The following COL19A1 variants were observed in gnomAD, a reference collection of about 807,000 sequenced individuals.
The protein encoded by COL19A1 is collagen alpha-1(XIX) chain.
A neutral mutation model predicts 190.2 loss-of-function variants in COL19A1; 159 were observed. The observed-to-expected ratio is 0.84, with a 90% CI of 0.73 to 0.95. COL19A1 has a LOEUF of 0.95. COL19A1 is among the 40% of genes least tolerant of loss of function. The pLI is 0.00. For synonymous variants in COL19A1, 509 were observed against 458.9 expected, an observed-to-expected ratio of 1.11 and a Z score of -1.39; for missense variants, 1,418 against 1,431.9, an observed-to-expected ratio of 0.99 and a Z score of 0.16.
At chr6:69,939,737 C>G (rs1773336363) in intron 9 of COL19A1, among the ~76,000 whole-genome samples, 1 of 152,064 alleles carries the variant, frequency 6.6e-6, no homozygotes, top group East Asian at 1.9e-4. Flanking sequence ...ATTAAGAGGA[C>G]TCAGAAAGTG....
chr6:69,979,320 A>G (rs1434096622), intron 11 of COL19A1, among the ~76,000 whole-genome samples: 1 of 151,972 alleles, frequency 6.6e-6, no homozygotes, highest in African/African-American at 2.4e-5. Context: ...CAGCAAAAGA[A>G]AAATCAAGTA....
chr6:70,072,007 G>A (rs761630292), intron 15 of COL19A1, among the ~76,000 whole-genome samples: 1 of 152,084 alleles, frequency 6.6e-6, no homozygotes, highest in Non-Finnish European at 1.5e-5. Context: ...AAGGAAATTA[G>A]GGCATGAGTT....
chr6:70,161,035 C>A (rs1173661799), intron 34 of COL19A1, among the ~76,000 whole-genome samples: 1 of 152,108 alleles, frequency 6.6e-6, no homozygotes, highest in Non-Finnish European at 1.5e-5. Flanking sequence ...CTTACCATTT[C>A]TTCCTTGATA....
intron 4 of COL19A1, among the ~76,000 whole-genome samples, chr6:69,907,504 C>A (rs983397451): frequency 6.6e-5 from 10 of 152,132 alleles, no homozygotes; most frequent in Non-Finnish European, 1.3e-4. Flanking sequence ...TATTTTCATA[C>A]AATTGACTTT....
chr6:69,977,070 C>T (rs769440934), intron 11 of COL19A1, among the ~76,000 whole-genome samples: 20 of 152,152 alleles, frequency 1.3e-4, no homozygotes, highest in Non-Finnish European at 2.8e-4. Context: ...TGGGTATATA[C>T]TCAAAGGATT....
At chr6:70,065,599 T>C (rs886954490) in intron 14 of COL19A1, among the ~76,000 whole-genome samples, 1 of 152,084 alleles carries the variant, frequency 6.6e-6, no homozygotes, top group Admixed American at 6.6e-5. Context: ...AAAGCCAAAA[T>C]TGACAAATGG....
intron 16 of COL19A1, among the ~76,000 whole-genome samples, chr6:70,117,745 G>A (rs972341518): frequency 6.6e-6 from 1 of 152,160 alleles, no homozygotes; most frequent in African/African-American, 2.4e-5. Context: ...TAATCCAGAT[G>A]TCCTATATCT....
chr6:70,070,073 C>A (rs1489156194), intron 15 of COL19A1, among the ~76,000 whole-genome samples: 3 of 152,060 alleles, frequency 2.0e-5, no homozygotes, highest in African/African-American at 7.2e-5. Flanking sequence ...AAATCATGTA[C>A]AAATGTATTT....
At chr6:69,931,318 A>G (rs1265964497) in intron 6 of COL19A1, among the ~76,000 whole-genome samples, 1 of 152,148 alleles carries the variant, frequency 6.6e-6, no homozygotes, top group African/African-American at 2.4e-5. Flanking sequence ...CTAAAGCACT[A>G]TATCAGTGAA....
chr6:69,889,538 ACTAATCTGCGCTCTATGTCTAG>A (rs1362473280), intron 2 of COL19A1, among the ~76,000 whole-genome samples: 3 of 152,174 alleles, frequency 2.0e-5, no homozygotes, highest in African/African-American at 7.2e-5. Flanking sequence ...GTAAAAATGC[ACTAATCTGCGCTCTATGTCTAG>A]CTAAAGGATT....
chr6:69,931,347 T>C (rs1772747925), intron 6 of COL19A1, among the ~76,000 whole-genome samples: 1 of 152,198 alleles, frequency 6.6e-6, no homozygotes, highest in African/African-American at 2.4e-5. Context: ...AAGTAATGAA[T>C]GAATAAACAA....
chr6:70,057,859 G>A (rs1030470521), intron 14 of COL19A1, among the ~76,000 whole-genome samples: 5 of 152,018 alleles, frequency 3.3e-5, no homozygotes, highest in African/African-American at 9.7e-5. Flanking sequence ...GAAGTACCAA[G>A]AGAAATGCAA....
chr6:69,873,741 C>T (rs192438492), intron 1 of COL19A1, among the ~76,000 whole-genome samples: 41 of 152,314 alleles, frequency 2.7e-4, no homozygotes, highest in African/African-American at 9.1e-4. Flanking sequence ...AATACTGTGA[C>T]ATTGGGGATT....
chr6:69,928,868 C>A (rs1772566275), intron 5 of COL19A1, among the ~76,000 whole-genome samples: 2 of 152,102 alleles, frequency 1.3e-5, no homozygotes, highest in African/African-American at 4.8e-5. Flanking sequence ...ATCTTTTAAT[C>A]TGTTAATACA....
intron 4 of COL19A1, among the ~76,000 whole-genome samples, chr6:69,924,933 G>T (rs1272807222): frequency 6.6e-6 from 1 of 152,118 alleles, no homozygotes; most frequent in Non-Finnish European, 1.5e-5. Flanking sequence ...TGATGGGGTT[G>T]TTTGCTTTTT....
chr6:70,002,664 A>G (rs778884392), intron 11 of COL19A1, among the ~76,000 whole-genome samples: 25 of 150,888 alleles, frequency 1.7e-4, no homozygotes, highest in Non-Finnish European at 3.1e-4. Context: ...AGAGGTGTTT[A>G]TAGTATTCTC....
At chr6:70,048,947 T>C (rs1780048622) in intron 14 of COL19A1, among the ~76,000 whole-genome samples, 1 of 151,668 alleles carries the variant, frequency 6.6e-6, no homozygotes, top group African/African-American at 2.4e-5. Flanking sequence ...AAGGTTCTTG[T>C]TGTATGCCCA....
intron 41 of COL19A1, among the ~76,000 whole-genome samples, chr6:70,172,558 C>T (rs1165513956): frequency 1.3e-5 from 2 of 152,092 alleles, no homozygotes; most frequent in African/African-American, 2.4e-5. Context: ...TGCCAGTCTG[C>T]AGACCCTTTG....
chr6:70,188,347 C>T (rs1766657200), intron 47 of COL19A1, 102 bp downstream of exon 47: 1 of 1,356,792 alleles, frequency 7.4e-7, no homozygotes, highest in Non-Finnish European at 9.8e-7. Context: ...ATAAAACAAA[C>T]CTAAACTGGT....
Sources: allele counts gnomAD v4.1 joint callset (sites outside exome capture counted in the v4.1 genomes callset), GRCh38; gene constraint gnomAD v4.1.1; transcripts MANE v1.5; gene names NCBI Gene and HGNC (gene_info 2026-07-23, HGNC 2026-07-21).